Variants in VTI1A observed in about 807,000 individuals in gnomAD.
VTI1A encodes vesicle transport through interaction with t-SNAREs homolog 1A.
Under a neutral mutation model 34.9 loss-of-function variants are expected in VTI1A, and 22 were observed. That is an observed-to-expected ratio of 0.63 (90% confidence interval 0.45 to 0.90). VTI1A has a LOEUF of 0.90. Ranked by LOEUF, VTI1A falls within the 40% of genes least tolerant of loss-of-function variation. VTI1A has a pLI of 0.00. For missense variants in VTI1A, 268 were observed against 275.6 expected, an observed-to-expected ratio of 0.97 and a Z score of 0.20; for synonymous variants, 87 against 97.3, an observed-to-expected ratio of 0.89 and a Z score of 0.62.
At chr10:112,690,616 T>G (rs1848580737) in intron 7 of VTI1A, among the ~76,000 whole-genome samples, 1 of 152,222 alleles carries the variant, frequency 6.6e-6, no homozygotes, top group Non-Finnish European at 1.5e-5. Flanking sequence ...AGATTCTCGG[T>G]TGGAATCTCC....
rs149951549 is a variant in VTI1A, at chr10:112,813,894, C to T, written c.561-1396C>T. Reference sequence around the variant, plus strand: ...AGGAGAGTGGACAGAGGCACTAAGGCAGTTTTGCGGAAGACGTGTCAGCAA... The same window carrying T: ...AGGAGAGTGGACAGAGGCACTAAGGTAGTTTTGCGGAAGACGTGTCAGCAA... On this transcript the variant is annotated intron_variant, in intron 7 of 7. Transcript: ENST00000393077. Among the ~76,000 whole-genome samples, 280 of 152,280 alleles carry T rather than the reference C, an allele frequency of 1.8e-3. 1 individual carries two copies. The highest frequency in any genetic ancestry group is 6.3e-3 in the African/African-American group (260 of 41,552).
chr10:112,569,167 C>T (rs4498908), intron 5 of VTI1A, among the ~76,000 whole-genome samples: 1 of 151,542 alleles, frequency 6.6e-6, no homozygotes, highest in Non-Finnish European at 1.5e-5. Context: ...AAAAAAAAAG[C>T]TATGGGAAAA....
At chr10:112,738,013 G>C (rs1850558836) in intron 7 of VTI1A, 1 of 506,332 alleles carries the variant, frequency 2.0e-6, no homozygotes, top group Non-Finnish European at 2.5e-6. Flanking sequence ...TGTCTTGTCT[G>C]GTTAATGAAG....
intron 7 of VTI1A, among the ~76,000 whole-genome samples, chr10:112,687,218 A>ATTTTTTTTT (rs1564883856): frequency 3.2e-5 from 4 of 124,182 alleles, no homozygotes; most frequent in African/African-American, 1.3e-4. Context: ...GCATACTACA[A>ATTTTTTTTT]CTTTTTTTTT....
intron 3 of VTI1A, among the ~76,000 whole-genome samples, chr10:112,475,275 A>G (rs1848241476): frequency 6.6e-6 from 1 of 152,240 alleles, no homozygotes; most frequent in Admixed American, 6.5e-5. Flanking sequence ...CCTGTAAAAT[A>G]ACTTCCATGT....
rs1312809433 is a variant in VTI1A at position 112,460,589 on chromosome 10, A to C, written c.153+7A>C. ...TGAAGAAGCGAAAGAACTGGTATGT[A>C]CAGACAGTAATGTATTTTAACACAC... On this transcript the variant is annotated splice_region_variant and intron_variant, in intron 2 of 7. Coordinates refer to ENST00000393077, the MANE Select transcript of VTI1A (RefSeq NM_145206.4). The C allele has an allele frequency of 1.9e-6, 3 of 1,592,706 alleles. No individual in the cohort carries two copies.
chr10:112,525,943 T>A (rs988403962), intron 3 of VTI1A, among the ~76,000 whole-genome samples: 1 of 152,230 alleles, frequency 6.6e-6, no homozygotes, highest in Non-Finnish European at 1.5e-5. Context: ...TGATAGTCCT[T>A]TTAAACTACA....
At chr10:112,493,149 A>G (rs573973403) in intron 3 of VTI1A, among the ~76,000 whole-genome samples, 6 of 152,286 alleles carry the variant, frequency 3.9e-5, no homozygotes, top group Admixed American at 2.6e-4. Context: ...TCTTTTAGCA[A>G]TGTTTTGTAG....
At chr10:112,826,144 T>A in the VTI1A span, 1 of 152,180 alleles carries the variant, frequency 6.6e-6, no homozygotes, top group African/African-American at 2.4e-5. Context: ...CTCTTGGGCA[T>A]TTAGTTGTCT....
At chr10:112,785,108 A>G (rs957794376) in intron 7 of VTI1A, among the ~76,000 whole-genome samples, 2 of 152,210 alleles carry the variant, frequency 1.3e-5, no homozygotes, top group Non-Finnish European at 2.9e-5. Flanking sequence ...ATGCCCCTGA[A>G]TATAAGCACA....
intron 7 of VTI1A, among the ~76,000 whole-genome samples, chr10:112,718,781 A>C (rs969031900): frequency 6.6e-6 from 1 of 152,196 alleles, no homozygotes; most frequent in African/African-American, 2.4e-5. Flanking sequence ...TCATTTATTT[A>C]CTCTGTTTGG....
intron 5 of VTI1A, among the ~76,000 whole-genome samples, chr10:112,597,892 T>C (rs369310326): frequency 1.4e-5 from 2 of 147,926 alleles, no homozygotes; most frequent in African/African-American, 5.0e-5. Context: ...AGAGGCGGGG[T>C]TTCACCGCGT....
In VTI1A at chr10:112,460,175, A is replaced by G. The variant is rs7073691; in HGVS notation, c.95-349A>G. On this transcript the variant is annotated intron_variant, in intron 1 of 7. Coordinates refer to ENST00000393077, the MANE Select transcript of VTI1A (RefSeq NM_145206.4). ...TGTATTAACAAATCAGTTATTCCCA[A>G]TTTATTAAAGTTATGACTTCACAGA... Among the ~76,000 whole-genome samples, 726 of 152,324 alleles carry G rather than the reference A, an allele frequency of 4.8e-3. 5 individuals are homozygous for G. Among genetic ancestry groups the G allele is most frequent in the African/African-American group, 0.017 (701 of 41,576 alleles).
intron 5 of VTI1A, among the ~76,000 whole-genome samples, chr10:112,642,116 C>T (rs146361286): frequency 6.6e-6 from 1 of 152,294 alleles, no homozygotes; most frequent in African/African-American, 2.4e-5. Context: ...CCTCTATTTA[C>T]ATCAAATAAA....
intron 7 of VTI1A, among the ~76,000 whole-genome samples, chr10:112,766,817 A>G (rs1851663769): frequency 6.6e-6 from 1 of 152,220 alleles, no homozygotes; most frequent in African/African-American, 2.4e-5. Context: ...CTAAGTATTT[A>G]CAAGTACTTT....
intron 5 of VTI1A, among the ~76,000 whole-genome samples, chr10:112,599,423 AT>A (rs1195983762): frequency 6.6e-6 from 1 of 152,160 alleles, no homozygotes; most frequent in Non-Finnish European, 1.5e-5. Context: ...ATCTTCGAGC[AT>A]AGCTAGGGCG....
rs11814458 is a variant in VTI1A at position 112,760,856 on chromosome 10, T to G, written c.561-54434T>G. On this transcript the variant is annotated intron_variant, in intron 7 of 7. Coordinates refer to ENST00000393077, the MANE Select transcript of VTI1A (RefSeq NM_145206.4). ...GTGAGCGGAGATCGTGCCACTGCATTCCAGCCTGGGTGACAGAGCAAGACT... is the reference window on the plus strand; with the variant it reads ...GTGAGCGGAGATCGTGCCACTGCATGCCAGCCTGGGTGACAGAGCAAGACT... 4.5e-3 allele frequency among the ~76,000 whole-genome samples: 636 copies of G among 140,476 alleles called. 7 individuals are homozygous for G. The highest frequency in any genetic ancestry group is 0.016 in the African/African-American group (610 of 37,204). The allele number at this position is 140,476 out of a possible 152,430, so 92.2% of individuals were successfully genotyped here. A position where few individuals can be genotyped will look rare whatever the true frequency, so the allele number is the denominator to read the frequency against.
rs1228384935 is a variant in VTI1A, at chr10:112,818,261, G to A, written c.*2878G>A. On this transcript the variant is annotated 3_prime_UTR_variant, in exon 8 of 8. Transcript: ENST00000393077. ...ATCCCATGCGGGGCAAGCCCATTGAGGGTTATCATTAAGTAAAGAAATAAA... is the reference window on the plus strand; with the variant it reads ...ATCCCATGCGGGGCAAGCCCATTGAAGGTTATCATTAAGTAAAGAAATAAA... 1 of 233,202 alleles carries A rather than the reference G, an allele frequency of 4.3e-6. No homozygotes were observed. The highest frequency in any genetic ancestry group is 6.1e-5 in the East Asian group (1 of 16,518). The allele number at this position is 233,202 out of a possible 1,614,324, so 14.4% of individuals were successfully genotyped here.
chr10:112,846,668 AG>A, the VTI1A span, among the ~76,000 whole-genome samples: 1 of 151,324 alleles, frequency 6.6e-6, no homozygotes, highest in Admixed American at 6.6e-5. Flanking sequence ...CAAGAGGCTG[AG>A]GCAGGAAAAT....
Sources: gnomAD v4.1 joint callset for allele counts (sites outside exome capture counted in the v4.1 genomes callset) on GRCh38, gnomAD v4.1.1 for gene constraint, MANE v1.5 for transcripts, NCBI Gene and HGNC (gene_info 2026-07-23, HGNC 2026-07-21) for gene names.